Variants in MBD5 observed in about 807,000 individuals in gnomAD.
MBD5 encodes the protein methyl-CpG binding domain protein 5.
A neutral mutation model predicts 117.3 loss-of-function variants in MBD5; 13 were observed. The ratio of observed to expected loss-of-function variants is 0.11; its 90% CI spans 0.07 to 0.18. The LOEUF is 0.18. Among genes scored for constraint, MBD5 ranks in the 10% least tolerant of loss-of-function variants. The pLI is 1.00. For synonymous variants in MBD5, 727 were observed against 766.4 expected (o/e 0.95, Z 0.85); for missense variants, 1,879 against 2,093.8 (o/e 0.90, Z 2.00).
At chr2:148,206,123 CAAA>C (rs758698506) in intron 2 of MBD5, among the ~76,000 whole-genome samples, 4 of 108,444 alleles carry the variant, frequency 3.7e-5, no homozygotes, top group Non-Finnish European at 3.9e-5. Flanking sequence ...GACCCTGTCT[CAAA>C]AAAAAAAAAA....
chr2:148,290,671 A>T (rs760589595), intron 3 of MBD5, among the ~76,000 whole-genome samples: 1 of 152,106 alleles, frequency 6.6e-6, no homozygotes, highest in African/African-American at 2.4e-5. Flanking sequence ...ATGTTCATCA[A>T]TATTGTAGCG....
At chr2:148,428,367 C>T (rs1705874920) in intron 4 of MBD5, among the ~76,000 whole-genome samples, 1 of 152,078 alleles carries the variant, frequency 6.6e-6, no homozygotes, top group South Asian at 2.1e-4. Flanking sequence ...AATGGAAAAA[C>T]GTTCCATGCT....
At chr2:148,115,344 A>G (rs1696609313) in intron 1 of MBD5, among the ~76,000 whole-genome samples, 1 of 152,202 alleles carries the variant, frequency 6.6e-6, no homozygotes, top group Admixed American at 6.5e-5. Context: ...GAGAGCTTGC[A>G]TCCCAGCCTT....
At chr2:148,243,332 ATT>A (rs10598345) in intron 3 of MBD5, among the ~76,000 whole-genome samples, 45,474 of 151,862 alleles carry the variant, frequency 0.3, 7,261 homozygotes, top group South Asian at 0.43. Flanking sequence ...TAGAAAAATT[ATT>A]GTTATACTTT....
At chr2:148,311,301 A>G (rs962730640) in intron 3 of MBD5, among the ~76,000 whole-genome samples, 1 of 152,142 alleles carries the variant, frequency 6.6e-6, no homozygotes, top group Non-Finnish European at 1.5e-5. Context: ...GTAGGTCTCT[A>G]AGAACTTGCA....
At chr2:148,132,170 G>T (rs1441457432) in intron 1 of MBD5, among the ~76,000 whole-genome samples, 1 of 151,948 alleles carries the variant, frequency 6.6e-6, no homozygotes, top group Non-Finnish European at 1.5e-5. Context: ...CTCGCACATT[G>T]AAAGTGTTTA....
At chr2:148,107,219 T>C (rs78973405) in intron 1 of MBD5, among the ~76,000 whole-genome samples, 1,914 of 152,186 alleles carry the variant, frequency 0.013, 47 homozygotes, top group African/African-American at 0.043. Context: ...GTGTTGAAGA[T>C]ATTATTTTAG....
chr2:148,509,936 C>G, intron 12 of MBD5, 124 bp from the exon 13 acceptor site: 1 of 729,706 alleles, frequency 1.4e-6, no homozygotes, highest in East Asian at 2.7e-5. Context: ...TCTGAATTTT[C>G]CAAACGCGAG....
At chr2:148,422,776 T>C (rs978510917) in intron 4 of MBD5, among the ~76,000 whole-genome samples, 19 of 152,050 alleles carry the variant, frequency 1.2e-4, no homozygotes, top group African/African-American at 4.6e-4. Flanking sequence ...GCACGAGAAC[T>C]TCGTGAAGCA....
intron 1 of MBD5, among the ~76,000 whole-genome samples, chr2:148,050,871 TTTTTCTAAGA>T (rs1199501478): frequency 6.6e-6 from 1 of 152,152 alleles, no homozygotes; most frequent in Non-Finnish European, 1.5e-5. Flanking sequence ...TGTTTCTTGA[TTTTTCTAAGA>T]TTGTTTTAGC....
At chr2:148,330,306 A>G (rs1055477218) in intron 3 of MBD5, among the ~76,000 whole-genome samples, 2 of 152,100 alleles carry the variant, frequency 1.3e-5, no homozygotes, top group Non-Finnish European at 2.9e-5. Context: ...CCATCACTGT[A>G]GACAGAGAGA....
At chr2:148,279,779 C>A (rs1215047309) in intron 3 of MBD5, among the ~76,000 whole-genome samples, 3 of 152,050 alleles carry the variant, frequency 2.0e-5, no homozygotes, top group Non-Finnish European at 2.9e-5. Flanking sequence ...CATTTGGACT[C>A]TTTCTTTTTT....
intron 1 of MBD5, among the ~76,000 whole-genome samples, chr2:148,033,479 G>T (rs1457307451): frequency 6.6e-6 from 1 of 151,516 alleles, no homozygotes; most frequent in Non-Finnish European, 1.5e-5. Context: ...TTCATTTCAG[G>T]TTGATCTTAA....
chr2:148,441,433 A>C (rs201679905), intron 4 of MBD5, among the ~76,000 whole-genome samples: 39,031 of 151,582 alleles, frequency 0.26, 5,994 homozygotes, highest in African/African-American at 0.43. Flanking sequence ...AAGGACATGA[A>C]CTCATCATTT....
intron 3 of MBD5, among the ~76,000 whole-genome samples, chr2:148,246,109 A>T (rs936563410): frequency 1.3e-5 from 2 of 152,212 alleles, no homozygotes; most frequent in African/African-American, 4.8e-5. Context: ...CCTATGCTAC[A>T]TATAGATTAT....
At chr2:148,401,092 G>A (rs549648987) in intron 4 of MBD5, among the ~76,000 whole-genome samples, 64 of 152,170 alleles carry the variant, frequency 4.2e-4, no homozygotes, top group African/African-American at 1.2e-3. Flanking sequence ...ATGACTTTGC[G>A]AAATACCTTC....
At chr2:148,320,001 A>G (rs962381899) in intron 3 of MBD5, among the ~76,000 whole-genome samples, 5 of 152,196 alleles carry the variant, frequency 3.3e-5, no homozygotes, top group Admixed American at 1.3e-4. Context: ...TTCTGCATCT[A>G]TTAAGATGAT....
chr2:148,505,078 G>A (rs1016138002), intron 12 of MBD5, among the ~76,000 whole-genome samples: 2 of 152,116 alleles, frequency 1.3e-5, no homozygotes. Flanking sequence ...TTGGGGATGA[G>A]GATGGAAAAG....
Position 148,468,566 on chromosome 2 carries a change from A to G in MBD5, c.623A>G (p.His208Arg), listed in dbSNP as rs144129665. The stretch of plus-strand genomic sequence containing the variant: ...CGACAGAGATTGGGCAGCAGTGAAC[A>G]TGGACAGAAATCTCCATTCCGTGGC... ...YPRQRLGSSE[H>R]GQKSPFRGSH... Residue 208 changes from histidine (H) to arginine (R), a missense_variant, in exon 8 of 14, where the codon CAT becomes CGT. This residue lies in a region of MBD5 where 1,666 missense variants were observed against 1,792.2 expected (regional missense o/e 0.93). Coordinates refer to ENST00000642680, the MANE Select transcript of MBD5 (RefSeq NM_001378120.1). 5 of 1,613,940 alleles carry G rather than the reference A, an allele frequency of 3.1e-6. No homozygotes were observed. The highest frequency in any genetic ancestry group is 2.2e-5 in the East Asian group (1 of 44,874).
Sources: gnomAD v4.1 joint callset for allele counts (sites outside exome capture counted in the v4.1 genomes callset) on GRCh38, gnomAD v4.1.1 for gene constraint, gnomAD v4.1.1 regional missense constraint, MANE v1.5 for transcripts, NCBI Gene and HGNC (gene_info 2026-07-23, HGNC 2026-07-21) for gene names.